The following TET1 variants were observed in gnomAD, a reference collection of about 807,000 sequenced individuals.
TET1 encodes the protein methylcytosine dioxygenase TET1.
TET1 carries 13 observed loss-of-function variants against 148.7 expected under a neutral mutation model. The ratio of observed to expected loss-of-function variants is 0.09; its 90% CI spans 0.06 to 0.14. TET1 has a LOEUF of 0.14. Among genes scored for constraint, TET1 ranks in the 10% least tolerant of loss-of-function variants. TET1 has a pLI of 1.00. For missense variants in TET1, 2,182 were observed against 2,553.8 expected (o/e 0.85, Z 3.14); for synonymous variants, 907 against 937.2 (o/e 0.97, Z 0.59).
chr10:68,592,615 TAAC>T (rs1048573456), intron 2 of TET1, among the ~76,000 whole-genome samples: 1 of 68,460 alleles, frequency 1.5e-5, no homozygotes, highest in African/African-American at 4.1e-5. Context: ...CATGGCCCCT[TAAC>T]AACCACACTG....
chr10:68,576,007 G>T (rs1449222474), intron 2 of TET1, among the ~76,000 whole-genome samples: 1 of 145,024 alleles, frequency 6.9e-6, no homozygotes, highest in Admixed American at 6.9e-5. Flanking sequence ...GTGACAGAGT[G>T]AGACTCCATC....
chr10:68,689,620 C>CA (rs1187972925), intron 11 of TET1, among the ~76,000 whole-genome samples: 1 of 151,886 alleles, frequency 6.6e-6, no homozygotes, highest in Non-Finnish European at 1.5e-5. Flanking sequence ...TACTAAAATA[C>CA]AAAAAATTAG....
chr10:68,572,188 C>T, intron 1 of TET1, 29 bp from the exon 2 acceptor site: 1 of 613,526 alleles, frequency 1.6e-6, no homozygotes, highest in Non-Finnish European at 2.9e-6. Context: ...GAAAAAGACT[C>T]ACTTCAGTGT....
chr10:68,669,689 G>A (rs555156030), intron 7 of TET1, among the ~76,000 whole-genome samples: 18 of 150,286 alleles, frequency 1.2e-4, no homozygotes, highest in Admixed American at 2.7e-4. Flanking sequence ...TCGCACTGTC[G>A]CCCAGGCTGG....
intron 8 of TET1, chr10:68,674,878 G>T: frequency 7.4e-6 from 3 of 406,158 alleles, no homozygotes; most frequent in South Asian, 6.5e-5. Context: ...TCAATAAATT[G>T]ATTCCAGACA....
At chr10:68,606,563 A>G (rs919765741) in intron 3 of TET1, among the ~76,000 whole-genome samples, 1 of 152,068 alleles carries the variant, frequency 6.6e-6, no homozygotes, top group Non-Finnish European at 1.5e-5. Context: ...TAAGTACTAG[A>G]TCAAATACTA....
intron 2 of TET1, among the ~76,000 whole-genome samples, chr10:68,585,162 AC>A (rs2053847332): frequency 6.6e-6 from 1 of 151,914 alleles, no homozygotes; most frequent in African/African-American, 2.4e-5. Context: ...GCGCCACCAC[AC>A]CAGGCTAATT....
chr10:68,647,302 G>C (rs975852284), intron 4 of TET1, among the ~76,000 whole-genome samples: 1 of 152,118 alleles, frequency 6.6e-6, no homozygotes, highest in African/African-American at 2.4e-5. Context: ...ATCGTGCGTA[G>C]CATAAGAATG....
intron 1 of TET1, among the ~76,000 whole-genome samples, chr10:68,567,457 G>A (rs998031330): frequency 2.6e-5 from 4 of 151,922 alleles, no homozygotes; most frequent in Admixed American, 2.6e-4. Flanking sequence ...ACCACGCCCG[G>A]CTAATTTTGT....
rs576713413 is a variant in TET1, at chr10:68,634,017, T to C, written c.1969-10681T>C. Among the ~76,000 whole-genome samples, 6 of 152,234 alleles carry C rather than the reference T, an allele frequency of 3.9e-5. No individual in the cohort carries two copies. The South Asian group carries it at 1.2e-3, about 32-fold the overall frequency. ...CTCCTGCCTCAGCCTCTTGAGCAGCTAGGACTTCAGGCACGCACCACTACA... is the reference window on the plus strand; with the variant it reads ...CTCCTGCCTCAGCCTCTTGAGCAGCCAGGACTTCAGGCACGCACCACTACA... On this transcript the variant is annotated intron_variant, in intron 3 of 11. Coordinates refer to ENST00000373644, the MANE Select transcript of TET1 (RefSeq NM_030625.3).
chr10:68,673,486 TG>T, intron 8 of TET1: 1 of 360,070 alleles, frequency 2.8e-6, no homozygotes, highest in Admixed American at 3.1e-5. Context: ...CACGAGGCCA[TG>T]GTGAGCAAAG....
At position 68,646,305 on chromosome 10, in the gene TET1, A is replaced by G. The variant is rs759966987; in HGVS notation, c.3576A>G (p.Ala1192=). The change falls in exon 4 of 12, where the codon GCA becomes GCG. Residue 1192 remains alanine, a synonymous_variant. Transcript: ENST00000373644. ...MYGTICDIWI[A]SKFQNFGQFC... ...GCACAATATGCGACATTTGGATAGCATCGAAATTTCAAAATTTTGGGCAAT... is the reference window on the plus strand; with the variant it reads ...GCACAATATGCGACATTTGGATAGCGTCGAAATTTCAAAATTTTGGGCAAT... 6.2e-6 allele frequency: 10 copies of G among 1,614,070 alleles called. No homozygotes were observed. Among genetic ancestry groups the G allele is most frequent in the East Asian group, 2.2e-5 (1 of 44,898 alleles).
At chr10:68,581,502 T>A (rs550883672) in intron 2 of TET1, among the ~76,000 whole-genome samples, 49 of 152,180 alleles carry the variant, frequency 3.2e-4, no homozygotes, top group Non-Finnish European at 6.2e-4. Context: ...GTGCTTTGGC[T>A]AAGCTACACT....
At chr10:68,660,955 C>A (rs1008800849) in intron 6 of TET1, among the ~76,000 whole-genome samples, 1 of 151,982 alleles carries the variant, frequency 6.6e-6, no homozygotes, top group Non-Finnish European at 1.5e-5. Context: ...TGTGCCACCG[C>A]GCTAGCCGTT....
chr10:68,673,089 C>G, intron 8 of TET1, 44 bp downstream of exon 8: 1 of 1,558,684 alleles, frequency 6.4e-7, no homozygotes, highest in Non-Finnish European at 8.7e-7. Flanking sequence ...TTGAATTACA[C>G]ATTGAATATG....
intron 11 of TET1, among the ~76,000 whole-genome samples, chr10:68,690,353 A>G (rs955912988): frequency 3.9e-5 from 6 of 152,180 alleles, no homozygotes; most frequent in Non-Finnish European, 1.5e-5. Context: ...CAAGCCTGTA[A>G]TCCCAGCACT....
intron 6 of TET1, among the ~76,000 whole-genome samples, chr10:68,661,225 G>GTTTTTTTTTT (rs1564498225): frequency 2.2e-4 from 21 of 94,828 alleles, no homozygotes; most frequent in African/African-American, 7.3e-4. Flanking sequence ...TTTTTTTGTA[G>GTTTTTTTTTT]TTTTAGTAGA....
chr10:68,672,498 A>AAC (rs2055287032), intron 7 of TET1, among the ~76,000 whole-genome samples: 1 of 148,350 alleles, frequency 6.7e-6, no homozygotes, highest in South Asian at 2.1e-4. Context: ...AAAAAAAAAA[A>AAC]AAAAAAAAAA....
At chr10:68,619,884 G>A (rs2054345295) in intron 3 of TET1, among the ~76,000 whole-genome samples, 2 of 152,120 alleles carry the variant, frequency 1.3e-5, no homozygotes, top group South Asian at 2.1e-4. Context: ...ATACCATACA[G>A]TTCACTCATT....
Sources: gnomAD v4.1 joint callset for allele counts (sites outside exome capture counted in the v4.1 genomes callset) on GRCh38, gnomAD v4.1.1 for gene constraint, MANE v1.5 for transcripts, NCBI Gene and HGNC (gene_info 2026-07-23, HGNC 2026-07-21) for gene names.